FAM3B: variants seen among roughly 807,000 people sequenced by gnomAD.
The protein encoded by FAM3B is FAM3 metabolism regulating signaling molecule B, also known as protein FAM3B.
In FAM3B, 29 loss-of-function variants were observed where a neutral mutation model predicts 28.4. The observed-to-expected ratio is 1.02, with a 90% confidence interval of 0.76 to 1.39. The LOEUF (loss-of-function observed/expected upper bound fraction) is 1.39. Ranked by LOEUF, FAM3B falls within the 40% of genes most tolerant of loss-of-function variation. FAM3B has a pLI of 0.00. For missense variants in FAM3B, 266 were observed against 293.9 expected, an observed-to-expected ratio of 0.91 and a Z score of 0.69; for synonymous variants, 91 against 103.0, an observed-to-expected ratio of 0.88 and a Z score of 0.71.
chr21:41,321,913 T>A (rs1327522710), intron 1 of FAM3B, among the ~76,000 whole-genome samples: 1 of 152,118 alleles, frequency 6.6e-6, no homozygotes, highest in Non-Finnish European at 1.5e-5. Context: ...TCCTTTTTCC[T>A]CCTTTCCTCA....
intron 3 of FAM3B, among the ~76,000 whole-genome samples, chr21:41,342,879 G>T (rs963568561): frequency 1.7e-4 from 26 of 152,104 alleles, no homozygotes; most frequent in African/African-American, 6.3e-4. Context: ...CACGTGTCAG[G>T]TTTCATTTGA....
intron 1 of FAM3B, chr21:41,320,282 T>C (rs577780531): frequency 6.6e-6 from 1 of 152,308 alleles, no homozygotes; most frequent in African/African-American, 2.4e-5. Context: ...CTATTCTTTT[T>C]AAAATTTTTT....
intron 7 of FAM3B, among the ~76,000 whole-genome samples, chr21:41,355,546 C>T (rs999852789): frequency 7.5e-6 from 1 of 132,582 alleles, no homozygotes; most frequent in Non-Finnish European, 1.7e-5. Flanking sequence ...ACCTTGAAAA[C>T]AGGCTAAGTG....
At position 41,323,030 on chromosome 21, in the gene FAM3B, AGCATCC is replaced by A; in HGVS notation, c.131_136del (p.Ile44_Arg45del). 1 of 1,607,916 alleles carries A rather than the reference AGCATCC, an allele frequency of 6.2e-7. No homozygotes were observed. The highest frequency in any genetic ancestry group is 8.5e-7 in the Non-Finnish European group (1 of 1,179,986). The stretch of plus-strand genomic sequence containing the variant: ...TGCACCCCTGTCCAGTGCTGCCTAT[AGCATCC>A]GCAGCATCGGGGAGAGGCCTGTCCT... On this transcript the variant is annotated inframe_deletion, in exon 2 of 8. Transcript: ENST00000357985.
chr21:41,325,631 G>C (rs780945499), intron 2 of FAM3B, among the ~76,000 whole-genome samples: 1 of 152,166 alleles, frequency 6.6e-6, no homozygotes, highest in Admixed American at 6.5e-5. Flanking sequence ...TTAAAACTTG[G>C]CTTCATACAG....
Position 41,326,474 on chromosome 21 carries a change from C to T in FAM3B, c.163+3408C>T, listed in dbSNP as rs2088855730. 6.6e-6 allele frequency among the ~76,000 whole-genome samples: 1 copy of T among 152,224 alleles called. No individual in the cohort carries two copies. The highest frequency in any genetic ancestry group is 2.1e-4 in the South Asian group (1 of 4,828). On this transcript the variant is annotated intron_variant, in intron 2 of 7. Coordinates refer to ENST00000357985, the MANE Select transcript of FAM3B (RefSeq NM_058186.4). The surrounding 1 kb of genome is among the most constrained non-coding windows in gnomAD (Gnocchi z 4.0). ...CATACTCCCTGGAGGATATGAGGCA[C>T]ATCAAACACCTCCCTTCTGGAAAGC...
intron 2 of FAM3B, among the ~76,000 whole-genome samples, chr21:41,332,461 C>T (rs530132725): frequency 3.3e-5 from 5 of 152,046 alleles, no homozygotes; most frequent in African/African-American, 4.8e-5. Flanking sequence ...TACGTTCATC[C>T]GGGATATTGA....
At chr21:41,354,316 G>A (rs943945693) in intron 7 of FAM3B, among the ~76,000 whole-genome samples, 2 of 152,130 alleles carry the variant, frequency 1.3e-5, no homozygotes, top group Non-Finnish European at 2.9e-5. Context: ...TTTGTTATAA[G>A]TAAAATTTAA....
In FAM3B at chr21:41,357,042, T is replaced by G. The variant is rs2089173241; in HGVS notation, c.619-66T>G. On this transcript the variant is annotated intron_variant, in intron 7 of 7. Transcript: ENST00000357985. ...GGAAGTGGTTGTGTCGGCTCACAAC[T>G]GATACTGATTAAATACTTGTTTATT... The G allele has an allele frequency of 2.4e-6, 3 of 1,238,780 alleles. No homozygotes were observed. In the East Asian group the frequency reaches 7.8e-5, roughly 32 times the overall value. The allele number at this position is 1,238,780 out of a possible 1,614,324, so 76.7% of individuals were successfully genotyped here.
At chr21:41,343,946 C>T (rs907718079) in intron 3 of FAM3B, among the ~76,000 whole-genome samples, 41 of 152,054 alleles carry the variant, frequency 2.7e-4, no homozygotes, top group African/African-American at 1.9e-4. Context: ...GGCAAAACTC[C>T]GTCTCTACAA....
chr21:41,305,385 A>G (rs994033352), intron 1 of FAM3B, among the ~76,000 whole-genome samples: 1 of 152,178 alleles, frequency 6.6e-6, no homozygotes, highest in Non-Finnish European at 1.5e-5. Flanking sequence ...AATCCCATGG[A>G]TTTCAGAAAT....
At chr21:41,316,447 T>C (rs1400922857), upstream of FAM3B, among the ~76,000 whole-genome samples, 7 of 152,236 alleles carry the variant, frequency 4.6e-5, no homozygotes, top group Non-Finnish European at 8.8e-5. Flanking sequence ...GGGCTGGGCC[T>C]CTGCTTTGTC....
At chr21:41,342,017 C>T (rs1418627713) in intron 3 of FAM3B, among the ~76,000 whole-genome samples, 1 of 152,202 alleles carries the variant, frequency 6.6e-6, no homozygotes, top group Non-Finnish European at 1.5e-5. Flanking sequence ...TTTACTTCAC[C>T]TTCATACCTG....
intron 1 of FAM3B, 126 bp downstream of exon 1, chr21:41,317,024 G>A: frequency 1.2e-6 from 1 of 852,364 alleles, no homozygotes; most frequent in Non-Finnish European, 1.6e-6. Context: ...GGTTCTTGGC[G>A]CCGAGGCTGG....
chr21:41,337,429 C>T (rs372220501), intron 2 of FAM3B, among the ~76,000 whole-genome samples: 12 of 152,294 alleles, frequency 7.9e-5, no homozygotes, highest in East Asian at 3.9e-4. Context: ...GTGGGCTCCT[C>T]GCATTCCAGC....
chr21:41,308,525 T>TTTTTC (rs1361247536), intron 1 of FAM3B, among the ~76,000 whole-genome samples: 8 of 145,408 alleles, frequency 5.5e-5, no homozygotes, highest in African/African-American at 1.8e-4. Context: ...TTGGTTTTTG[T>TTTTTC]TTTTCTTTTC....
upstream of FAM3B, among the ~76,000 whole-genome samples, chr21:41,314,762 T>TAA (rs34615145): frequency 2.0e-5 from 3 of 147,320 alleles, no homozygotes; most frequent in Non-Finnish European, 4.5e-5. Context: ...AGGCTACTAT[T>TAA]AAAAAAAAAA....
intron 1 of FAM3B, among the ~76,000 whole-genome samples, chr21:41,307,639 T>G (rs922144737): frequency 5.3e-5 from 8 of 152,216 alleles, no homozygotes; most frequent in African/African-American, 1.7e-4. Context: ...GTAATGTTAT[T>G]AATTGGTCTA....
intron 1 of FAM3B, among the ~76,000 whole-genome samples, chr21:41,317,166 T>C (rs533098216): frequency 6.6e-6 from 1 of 152,238 alleles, no homozygotes; most frequent in South Asian, 2.1e-4. Flanking sequence ...CCGGGGTGCA[T>C]GGGATTAGGG....
Sources: gnomAD v4.1 joint callset for allele counts (sites outside exome capture counted in the v4.1 genomes callset) on GRCh38, gnomAD v4.1.1 for gene constraint, Gnocchi (gnomAD v3.1) non-coding constraint, MANE v1.5 for transcripts, NCBI Gene and HGNC (gene_info 2026-07-23, HGNC 2026-07-21) for gene names.